PICK1: variants seen among roughly 807,000 people sequenced by gnomAD.
The protein encoded by PICK1 is PRKCA-binding protein.
Under a neutral mutation model 48.9 loss-of-function variants are expected in PICK1, and 23 were observed. The observed-to-expected ratio is 0.47, with a 90% CI of 0.34 to 0.67. The LOEUF is 0.67. PICK1 is among the 30% of genes least tolerant of loss of function. The pLI is 0.01. For synonymous variants in PICK1, 217 were observed against 228.2 expected (o/e 0.95, Z 0.44); for missense variants, 423 against 557.1 (o/e 0.76, Z 2.42).
At chr22:38,061,060 G>C (rs1601938611) in intron 3 of PICK1, among the ~76,000 whole-genome samples, 1 of 152,036 alleles carries the variant, frequency 6.6e-6, no homozygotes, top group East Asian at 2.0e-4. Flanking sequence ...TAATAGAACT[G>C]GCCGGGTGCG....
chr22:38,075,195 G>GGGGCC lies in PICK1; in HGVS notation c.*65_*69dup. 6.6e-7 allele frequency: 1 copy of GGGGCC among 1,520,968 alleles called. No individual in the cohort carries two copies. The highest frequency in any genetic ancestry group is 8.9e-7 in the Non-Finnish European group (1 of 1,128,852). The allele number at this position is 1,520,968 out of a possible 1,614,324, so 94.2% of individuals were successfully genotyped here. On this transcript the variant is annotated 3_prime_UTR_variant, in exon 13 of 13. Coordinates refer to ENST00000356976, the MANE Select transcript of PICK1 (RefSeq NM_012407.4). ...GGAGGACGGAGCCTGGGAGCGGGGC[G>GGGGCC]GGGCCGCCGCGCAAGGGGGCGACGC...
chr22:38,059,073 C>T (rs1361632496), intron 2 of PICK1, among the ~76,000 whole-genome samples, 161 bp from the exon 3 acceptor site: 3 of 152,216 alleles, frequency 2.0e-5, no homozygotes, highest in African/African-American at 7.2e-5. Context: ...ATCTGCTTAA[C>T]TCCAAGAGCT....
At chr22:38,059,644 A>G (rs561519434) in intron 3 of PICK1, among the ~76,000 whole-genome samples, 1 of 152,228 alleles carries the variant, frequency 6.6e-6, no homozygotes, top group Non-Finnish European at 1.5e-5. Flanking sequence ...CACCAGGTAC[A>G]GTGCCTGGCA....
Position 38,073,204 on chromosome 22 carries a change from C to G in PICK1, c.783+112C>G, listed in dbSNP as rs1449956243. On this transcript the variant is annotated intron_variant, in intron 10 of 12. Coordinates refer to ENST00000356976, the MANE Select transcript of PICK1 (RefSeq NM_012407.4). This position sits in a 1 kb window ranked among gnomAD's most constrained non-coding sequence, Gnocchi z 5.7. The stretch of plus-strand genomic sequence containing the variant: ...AGGCCAGCCAGAGCTGACAGCATGT[C>G]TGCTCCAGGTGTGGGCCCAGAGGCC... The G allele has an allele frequency of 1.3e-6, 1 of 782,262 alleles. No homozygotes were observed. Among genetic ancestry groups the G allele is most frequent in the Non-Finnish European group, 2.3e-6 (1 of 438,342 alleles). 48.5% of individuals were successfully genotyped at this position (782,262 alleles called of 1,614,324 possible). A position where few individuals can be genotyped will look rare whatever the true frequency, so the allele number is the denominator to read the frequency against.
intron 9 of PICK1, 86 bp from the exon 10 acceptor site, chr22:38,072,914 A>G (rs2145882390): frequency 4.2e-6 from 4 of 942,134 alleles, no homozygotes; most frequent in African/African-American, 1.6e-5. Context: ...CGAGTCCACC[A>G]ACAAGGGTGA....
At chr22:38,063,055 A>G (rs1038778098) in intron 3 of PICK1, among the ~76,000 whole-genome samples, 2 of 151,994 alleles carry the variant, frequency 1.3e-5, no homozygotes, top group Non-Finnish European at 2.9e-5. Flanking sequence ...GTCATCGGGA[A>G]CACCATGTCC....
chr22:38,069,719 C>T (rs1379418234), intron 6 of PICK1, among the ~76,000 whole-genome samples: 2 of 152,130 alleles, frequency 1.3e-5, no homozygotes, highest in African/African-American at 4.8e-5. Flanking sequence ...GCACACTGGG[C>T]TTTATTGGCT....
chr22:38,075,273 C>T lies in PICK1; in HGVS notation c.*141C>T, dbSNP rs1451929061. On this transcript the variant is annotated 3_prime_UTR_variant, in exon 13 of 13. Coordinates refer to ENST00000356976, the MANE Select transcript of PICK1 (RefSeq NM_012407.4). ...GCCTCCCTGCTCCTCTGTCCTCGCA[C>T]AGCGAACCTGGGCTCCTGCCCAGGA... 1.8e-5 allele frequency: 15 copies of T among 812,932 alleles called. No homozygotes were observed. Among genetic ancestry groups the T allele is most frequent in the Non-Finnish European group, 2.8e-5 (15 of 531,364 alleles). The allele number at this position is 812,932 out of a possible 1,614,324, so 50.4% of individuals were successfully genotyped here. A position where few individuals can be genotyped will look rare whatever the true frequency, so the allele number is the denominator to read the frequency against.
At chr22:38,059,109 T>C (rs1289490965) in intron 2 of PICK1, 125 bp from the exon 3 acceptor site, 1 of 717,980 alleles carries the variant, frequency 1.4e-6, no homozygotes, top group Non-Finnish European at 2.5e-6. Context: ...CAAAATGTTG[T>C]TTTGTCCAAG....
chr22:38,061,508 C>CT (rs2085402287), intron 3 of PICK1, among the ~76,000 whole-genome samples: 1 of 152,118 alleles, frequency 6.6e-6, no homozygotes, highest in African/African-American at 2.4e-5. Flanking sequence ...CCGGCTTTCT[C>CT]TGTCTCTTCA....
At position 38,075,168 on chromosome 22, in the gene PICK1, T is replaced by C. The variant is rs2085810278; in HGVS notation, c.*36T>C. On this transcript the variant is annotated 3_prime_UTR_variant, in exon 13 of 13. Transcript: ENST00000356976. ...GCTGTGGTGCCGGGGGCAGGGTGCG[T>C]GGGAGGACGGAGCCTGGGAGCGGGG... The C allele has an allele frequency of 6.3e-7, 1 of 1,589,512 alleles. No homozygotes were observed. Among genetic ancestry groups the C allele is most frequent in the South Asian group, 1.1e-5 (1 of 89,376 alleles).
chr22:38,071,839 C>A, intron 8 of PICK1, 95 bp downstream of exon 8: 1 of 1,037,668 alleles, frequency 9.6e-7, no homozygotes, highest in East Asian at 2.4e-5. Context: ...AGCGCCTGAC[C>A]TCAGGCTCCC....
At position 38,073,154 on chromosome 22, in the gene PICK1, T is replaced by C; in HGVS notation, c.783+62T>C. On this transcript the variant is annotated intron_variant, in intron 10 of 12. Coordinates refer to ENST00000356976, the MANE Select transcript of PICK1 (RefSeq NM_012407.4). This position sits in a 1 kb window ranked among gnomAD's most constrained non-coding sequence, Gnocchi z 5.7. ...GCCCACCCTGGAGATCTGCCCCACT[T>C]CAGTCAGCCATGCTGCGGCCAGCGA... 9.0e-7 allele frequency: 1 copy of C among 1,108,178 alleles called. No individual in the cohort carries two copies. Among genetic ancestry groups the C allele is most frequent in the Non-Finnish European group, 1.4e-6 (1 of 719,036 alleles). 68.6% of individuals were successfully genotyped at this position (1,108,178 alleles called of 1,614,324 possible). A position where few individuals can be genotyped will look rare whatever the true frequency, so the allele number is the denominator to read the frequency against.
intron 5 of PICK1, 145 bp from the exon 6 acceptor site, chr22:38,068,888 C>T (rs2085600721): frequency 2.8e-6 from 2 of 721,362 alleles, no homozygotes; most frequent in East Asian, 5.4e-5. Flanking sequence ...CTAGGACCTC[C>T]CCACTGGACA....
chr22:38,063,787 C>T (rs922304944), intron 3 of PICK1, among the ~76,000 whole-genome samples: 7 of 151,590 alleles, frequency 4.6e-5, no homozygotes, highest in African/African-American at 7.3e-5. Context: ...GGACTACAGG[C>T]GTACACCACC....
At chr22:38,072,439 C>T in intron 8 of PICK1, 38 bp from the exon 9 acceptor site, 1 of 1,604,870 alleles carries the variant, frequency 6.2e-7, no homozygotes, top group Non-Finnish European at 8.5e-7. Flanking sequence ...CTTAGGGGGC[C>T]AAGTAGGGGC....
chr22:38,075,002 T>C lies in PICK1; in HGVS notation c.1118T>C (p.Leu373Pro). 6.2e-7 allele frequency: 1 copy of C among 1,613,626 alleles called. No homozygotes were observed. The highest frequency in any genetic ancestry group is 8.5e-7 in the Non-Finnish European group (1 of 1,179,996). The change falls in exon 13 of 13, where the codon CTC becomes CCC. Residue 373 changes from leucine (L) to proline (P), a missense_variant. Physicochemically the swap from Leu to Pro is moderately conservative, Grantham distance 98 (BLOSUM62 -3). This residue lies in a region of PICK1 where 144 missense variants were observed against 139.3 expected (regional missense o/e 1.03). Transcript: ENST00000356976. ...DLAHTTLAYG[L>P]NQEEFTDGEE... ...GCGCACACCACATTGGCCTATGGCC[T>C]CAACCAGGAGGAGTTCACAGATGGG...
In PICK1 at chr22:38,073,673, C is replaced by A; in HGVS notation, c.784-100C>A. ...GCCCGCTCTGGGACTCCCTGAACAC[C>A]TGCGCCAGCCTCTCCTGCTGCGTGT... is the stretch of plus-strand genomic sequence containing the variant. On this transcript the variant is annotated intron_variant, in intron 10 of 12. Transcript: ENST00000356976. This position sits in a 1 kb window ranked among gnomAD's most constrained non-coding sequence, Gnocchi z 5.7. The A allele has an allele frequency of 9.0e-7, 1 of 1,106,828 alleles. No homozygotes were observed. The highest frequency in any genetic ancestry group is 1.4e-6 in the Non-Finnish European group (1 of 720,490). The allele number at this position is 1,106,828 out of a possible 1,614,324, so 68.6% of individuals were successfully genotyped here.
chr22:38,063,304 G>A (rs111799790), intron 3 of PICK1, among the ~76,000 whole-genome samples: 83 of 150,684 alleles, frequency 5.5e-4, no homozygotes, highest in African/African-American at 1.9e-3. Context: ...CTACAGGCAC[G>A]CGCCACCATG....
Sources: gnomAD v4.1 joint callset for allele counts (sites outside exome capture counted in the v4.1 genomes callset) on GRCh38, gnomAD v4.1.1 for gene constraint, gnomAD v4.1.1 regional missense constraint, Gnocchi (gnomAD v3.1) non-coding constraint, MANE v1.5 for transcripts, NCBI Gene and HGNC (gene_info 2026-07-23, HGNC 2026-07-21) for gene names.